Variants in CSNK1D observed in about 807,000 individuals in gnomAD.
CSNK1D encodes casein kinase I isoform delta.
Under a neutral mutation model 46.6 loss-of-function variants are expected in CSNK1D, and 16 were observed. The ratio of observed to expected loss-of-function variants is 0.34; its 90% CI spans 0.23 to 0.52. CSNK1D has a LOEUF of 0.52. CSNK1D is among the 20% of genes least tolerant of loss of function. The pLI is 0.95. For missense variants in CSNK1D, 398 were observed against 578.4 expected, an observed-to-expected ratio of 0.69 and a Z score of 3.20; for synonymous variants, 276 against 228.2, an observed-to-expected ratio of 1.21 and a Z score of -1.89.
At chr17:82,259,695 T>C (rs1015574999) in intron 2 of CSNK1D, among the ~76,000 whole-genome samples, 1 of 152,224 alleles carries the variant, frequency 6.6e-6, no homozygotes, top group Non-Finnish European at 1.5e-5. Flanking sequence ...CAACGCAGTA[T>C]GAGTCAGACG....
intron 8 of CSNK1D, chr17:82,245,662 C>T (rs1434181500): frequency 2.5e-6 from 1 of 401,514 alleles, no homozygotes; most frequent in African/African-American, 2.0e-5. Flanking sequence ...GCCACTCCTG[C>T]CTCACGGGTG....
intron 1 of CSNK1D, among the ~76,000 whole-genome samples, chr17:82,268,368 TC>T (rs1215187658): frequency 1.3e-5 from 2 of 152,238 alleles, no homozygotes; most frequent in Non-Finnish European, 2.9e-5. Flanking sequence ...GAAAGTCAGA[TC>T]CTCAAGCTGC....
intron 1 of CSNK1D, among the ~76,000 whole-genome samples, chr17:82,270,343 C>A (rs4072505): frequency 1.3e-5 from 2 of 152,190 alleles, no homozygotes; most frequent in Non-Finnish European, 2.9e-5. Context: ...AGCCTTCCCC[C>A]CTTCCTGGTC....
chr17:82,253,494 G>A (rs2051067511), intron 3 of CSNK1D: 2 of 503,582 alleles, frequency 4.0e-6, no homozygotes, highest in Non-Finnish European at 7.4e-6. Context: ...AGAGAGGTGA[G>A]GCGACAGAGA....
intron 2 of CSNK1D, 39 bp downstream of exon 2, chr17:82,265,647 C>T (rs372609268): frequency 6.6e-7 from 1 of 1,504,540 alleles, no homozygotes; most frequent in African/African-American, 1.4e-5. Context: ...CCTTGTCAAA[C>T]AGAACCCTGG....
chr17:82,270,360 A>G (rs2051588214), intron 1 of CSNK1D, among the ~76,000 whole-genome samples: 1 of 152,182 alleles, frequency 6.6e-6, no homozygotes, highest in Non-Finnish European at 1.5e-5. Context: ...GGTCTCAAAC[A>G]TCTGAAAGCA....
In CSNK1D at chr17:82,249,374, A is replaced by G; in HGVS notation, c.1057+57T>C. The G allele has an allele frequency of 6.6e-7, 1 of 1,505,342 alleles. No individual in the cohort carries two copies. Among genetic ancestry groups the G allele is most frequent in the East Asian group, 2.5e-5 (1 of 40,770 alleles). 93.2% of individuals were successfully genotyped at this position (1,505,342 alleles called of 1,614,324 possible). On this transcript the variant is annotated intron_variant, in intron 7 of 8. Transcript: ENST00000314028. The surrounding 1 kb of genome is among the most constrained non-coding windows in gnomAD (Gnocchi z 6.7). ...GTACCCTGTTGTCCCCACCAACCCCAAGACACAAGAAGTCACCCCAGAGCC... is the reference window on the plus strand; with the variant it reads ...GTACCCTGTTGTCCCCACCAACCCCGAGACACAAGAAGTCACCCCAGAGCC...
chr17:82,248,790 A>G lies in CSNK1D; in HGVS notation c.1197+85T>C. 1 of 1,544,056 alleles carries G rather than the reference A, an allele frequency of 6.5e-7. No homozygotes were observed. The highest frequency in any genetic ancestry group is 8.7e-7 in the Non-Finnish European group (1 of 1,145,788). Reference sequence around the variant, plus strand: ...AAAAATGGGGGGAAGAAAGGAAAGAAGAAGCCCTGGAGAAACCACAGCCCG... The same window carrying G: ...AAAAATGGGGGGAAGAAAGGAAAGAGGAAGCCCTGGAGAAACCACAGCCCG... On this transcript the variant is annotated intron_variant, in intron 8 of 8. Transcript: ENST00000314028. This position sits in a 1 kb window ranked among gnomAD's most constrained non-coding sequence, Gnocchi z 4.1.
At chr17:82,272,648 A>T (rs781255417) in intron 1 of CSNK1D, among the ~76,000 whole-genome samples, 45 of 152,178 alleles carry the variant, frequency 3.0e-4, no homozygotes, top group Admixed American at 7.9e-4. Flanking sequence ...GTTCAGAGAG[A>T]ACCCCCAGCG....
Position 82,248,293 on chromosome 17 carries a change from C to T in CSNK1D, c.1197+582G>A, listed in dbSNP as rs188935779. The T allele has an allele frequency of 6.1e-6, 6 of 987,584 alleles. No individual in the cohort carries two copies. Among genetic ancestry groups the T allele is most frequent in the East Asian group, 1.1e-4 (1 of 8,836 alleles). 61.2% of individuals were successfully genotyped at this position (987,584 alleles called of 1,614,324 possible). ...AAGCCAGAGCGAGGAGAGGAGAGAC[C>T]GCTGCAGGATGCTGAAGAGGCGGTG... On this transcript the variant is annotated intron_variant, in intron 8 of 8. Transcript: ENST00000314028. The surrounding 1 kb of genome is among the most constrained non-coding windows in gnomAD (Gnocchi z 4.1).
intron 2 of CSNK1D, among the ~76,000 whole-genome samples, chr17:82,263,522 C>G (rs973395411): frequency 6.6e-6 from 1 of 152,180 alleles, no homozygotes; most frequent in South Asian, 2.1e-4. Context: ...CTGCCAACAT[C>G]TACCATGCAG....
downstream of CSNK1D, among the ~76,000 whole-genome samples, chr17:82,242,006 G>T (rs1216887814): frequency 6.9e-6 from 1 of 144,442 alleles, no homozygotes; most frequent in Non-Finnish European, 1.5e-5. Flanking sequence ...TAGGCAGCGT[G>T]ACCCTGGCCA....
In CSNK1D at chr17:82,244,572, G is replaced by C. The variant is rs181410857; in HGVS notation, c.*209C>G. On this transcript the variant is annotated 3_prime_UTR_variant, in exon 9 of 9. Coordinates refer to ENST00000314028, the MANE Select transcript of CSNK1D (RefSeq NM_001893.6). ...CCCCGTTACAACCGAGTTCACGTGG[G>C]GGGCCGCAGTGCAGCCCCAGCGGTG... 12 of 1,491,186 alleles carry C rather than the reference G, an allele frequency of 8.0e-6. No individual in the cohort carries two copies. The East Asian group carries it at 2.5e-4, about 31-fold the overall frequency. 92.4% of individuals were successfully genotyped at this position (1,491,186 alleles called of 1,614,324 possible). A position where few individuals can be genotyped will look rare whatever the true frequency, so the allele number is the denominator to read the frequency against.
Position 82,252,971 on chromosome 17 carries a change from G to T in CSNK1D, c.565+45C>A. The T allele has an allele frequency of 6.4e-7, 1 of 1,566,750 alleles. No individual in the cohort carries two copies. The highest frequency in any genetic ancestry group is 8.8e-7 in the Non-Finnish European group (1 of 1,138,794). ...TCTCCCTGGGCTGAGGCATGGACGCGCCCAAAGGCACCCCAGGTCAGTGAC... is the reference window on the plus strand; with the variant it reads ...TCTCCCTGGGCTGAGGCATGGACGCTCCCAAAGGCACCCCAGGTCAGTGAC... On this transcript the variant is annotated intron_variant, in intron 4 of 8. Coordinates refer to ENST00000314028, the MANE Select transcript of CSNK1D (RefSeq NM_001893.6). This position sits in a 1 kb window ranked among gnomAD's most constrained non-coding sequence, Gnocchi z 4.6.
chr17:82,273,480 C>A lies in CSNK1D; in HGVS notation c.-99G>T, dbSNP rs2051695381. The A allele has an allele frequency of 7.0e-7, 1 of 1,435,496 alleles. No individual in the cohort carries two copies. The highest frequency in any genetic ancestry group is 9.5e-7 in the Non-Finnish European group (1 of 1,047,340). 88.9% of individuals were successfully genotyped at this position (1,435,496 alleles called of 1,614,324 possible). A position where few individuals can be genotyped will look rare whatever the true frequency, so the allele number is the denominator to read the frequency against. Reference sequence around the variant, plus strand: ...GCTGCCGCTACTGCGGGTCCGGCTCCCGGCTCCGCCCCCCTCACGGCCCCG... The same window carrying A: ...GCTGCCGCTACTGCGGGTCCGGCTCACGGCTCCGCCCCCCTCACGGCCCCG... On this transcript the variant is annotated 5_prime_UTR_variant, in exon 1 of 9. Transcript: ENST00000314028. This position sits in a 1 kb window ranked among gnomAD's most constrained non-coding sequence, Gnocchi z 5.1.
chr17:82,258,204 C>CAA (rs36125401), intron 2 of CSNK1D, among the ~76,000 whole-genome samples: 21 of 51,816 alleles, frequency 4.1e-4, no homozygotes, highest in Admixed American at 2.6e-3. Flanking sequence ...GAGACCGTCT[C>CAA]AAAAAAAAAA....
Position 82,255,683 on chromosome 17 carries a change from G to A in CSNK1D, c.188-106C>T. 1 of 1,425,458 alleles carries A rather than the reference G, an allele frequency of 7.0e-7. No homozygotes were observed. The highest frequency in any genetic ancestry group is 1.1e-5 in the South Asian group (1 of 87,148). The allele number at this position is 1,425,458 out of a possible 1,614,324, so 88.3% of individuals were successfully genotyped here. The stretch of plus-strand genomic sequence containing the variant: ...GGGTCATGGTGACAATCCTGAACGG[G>A]GGAGGGGTGGTGGAGGTAGAAGACC... On this transcript the variant is annotated intron_variant, in intron 2 of 8. Transcript: ENST00000314028. This position sits in a 1 kb window ranked among gnomAD's most constrained non-coding sequence, Gnocchi z 5.9.
At chr17:82,266,806 A>G (rs916279715) in intron 1 of CSNK1D, 1 of 152,480 alleles carries the variant, frequency 6.6e-6, no homozygotes, top group Non-Finnish European at 1.5e-5. Flanking sequence ...CACGCCTGTA[A>G]TCCCAGCACT....
chr17:82,259,869 T>C (rs1370038347), intron 2 of CSNK1D, among the ~76,000 whole-genome samples: 1 of 152,278 alleles, frequency 6.6e-6, no homozygotes, highest in African/African-American at 2.4e-5. Flanking sequence ...AAAGACTATG[T>C]GGCATGGACT....
Sources: gnomAD v4.1 joint callset for allele counts (sites outside exome capture counted in the v4.1 genomes callset) on GRCh38, gnomAD v4.1.1 for gene constraint, Gnocchi (gnomAD v3.1) non-coding constraint, MANE v1.5 for transcripts, NCBI Gene and HGNC (gene_info 2026-07-23, HGNC 2026-07-21) for gene names.